EDARADD: variants seen among roughly 807,000 people sequenced by gnomAD.
The protein encoded by EDARADD is ectodysplasin-A receptor-associated adapter protein.
A neutral mutation model predicts 25.6 loss-of-function variants in EDARADD; 20 were observed. The ratio of observed to expected loss-of-function variants is 0.78; its 90% CI spans 0.55 to 1.14. The LOEUF (loss-of-function observed/expected upper bound fraction) is 1.14. EDARADD is among the 50% of genes most tolerant of loss of function. EDARADD has a pLI of 0.00. For synonymous variants in EDARADD, 86 were observed against 94.4 expected, an observed-to-expected ratio of 0.91 and a Z score of 0.52; for missense variants, 225 against 270.1, an observed-to-expected ratio of 0.83 and a Z score of 1.17.
intron 4 of EDARADD, among the ~76,000 whole-genome samples, chr1:236,465,377 G>A (rs1428280053): frequency 3.3e-5 from 5 of 152,052 alleles, no homozygotes; most frequent in South Asian, 2.1e-4. Flanking sequence ...CCTTCTTTTC[G>A]TTTTGTTTGT....
chr1:236,419,828 A>G (rs922115498), intron 3 of EDARADD, among the ~76,000 whole-genome samples: 1 of 152,210 alleles, frequency 6.6e-6, no homozygotes, highest in African/African-American at 2.4e-5. Flanking sequence ...GTGTGAGACA[A>G]TGAATATACA....
chr1:236,371,505 T>C lies in EDARADD; in HGVS notation c.-6+20666T>C, dbSNP rs190042246. 6.6e-5 allele frequency among the ~76,000 whole-genome samples: 10 copies of C among 152,286 alleles called. No homozygotes were observed. The East Asian group carries it at 1.7e-3, about 26-fold the overall frequency. The stretch of plus-strand genomic sequence containing the variant: ...AGAGAAGACATCCTTGACTTGTTAT[T>C]GATCGTATCAGAAAACTTCTAGTTT... On this transcript the variant is annotated intron_variant, in intron 3 of 7. Coordinates refer to the EDARADD transcript ENST00000439430.
chr1:236,396,830 C>T (rs1216860088), intron 1 of EDARADD, among the ~76,000 whole-genome samples: 1 of 151,782 alleles, frequency 6.6e-6, no homozygotes, highest in African/African-American at 2.4e-5. Flanking sequence ...AGGGAGAAAC[C>T]CTCCTACTGC....
intron 1 of EDARADD, among the ~76,000 whole-genome samples, chr1:236,407,241 T>C (rs1424870006): frequency 6.6e-6 from 1 of 152,190 alleles, no homozygotes; most frequent in Non-Finnish European, 1.5e-5. Context: ...GTCTCTTTGC[T>C]GGTGCTGGGC....
chr1:236,379,559 A>G (rs1466088912), intron 3 of EDARADD, among the ~76,000 whole-genome samples: 9 of 151,944 alleles, frequency 5.9e-5, no homozygotes, highest in Non-Finnish European at 4.4e-5. Context: ...CGGGCAGATC[A>G]CCTCAGGTCA....
In EDARADD at chr1:236,468,253, A is replaced by T. The variant is rs763211638; in HGVS notation, c.242A>T (p.Asp81Val). ...TAGGGAGAAGAAAATGGCTTTCCAG[A>T]TAGCACTGGAGATCCTCTTCCAGGT... ...KNQGEENGFP[D>V]STGDPLPEIS... Residue 81 changes from aspartate to valine, a missense_variant, in exon 5 of 6, where the codon GAT becomes GTT. Physicochemically the swap from Asp to Val is radical, Grantham distance 152 (BLOSUM62 -3). Coordinates refer to ENST00000334232, the MANE Select transcript of EDARADD (RefSeq NM_145861.4). The T allele has an allele frequency of 4.9e-5, 79 of 1,614,030 alleles. No homozygotes were observed. Among genetic ancestry groups the T allele is most frequent in the Non-Finnish European group, 6.6e-5 (78 of 1,180,002 alleles).
chr1:236,381,427 G>A (rs1016245828), intron 3 of EDARADD, among the ~76,000 whole-genome samples: 1 of 151,718 alleles, frequency 6.6e-6, no homozygotes, highest in African/African-American at 2.4e-5. Flanking sequence ...TGCTATTTTA[G>A]TGTTTACTTT....
At chr1:236,351,147 A>G (rs531717786) in intron 3 of EDARADD, among the ~76,000 whole-genome samples, 1 of 152,222 alleles carries the variant, frequency 6.6e-6, no homozygotes, top group South Asian at 2.1e-4. Context: ...TAAACAAAAC[A>G]AAATTTTAAA....
intron 4 of EDARADD, among the ~76,000 whole-genome samples, chr1:236,465,406 C>A (rs557611063): frequency 1.3e-5 from 2 of 152,208 alleles, no homozygotes; most frequent in African/African-American, 4.8e-5. Flanking sequence ...ACTTCCAGCC[C>A]GATTTCTGAA....
intron 2 of EDARADD, among the ~76,000 whole-genome samples, chr1:236,413,008 C>T (rs1657538184): frequency 6.6e-6 from 1 of 152,196 alleles, no homozygotes; most frequent in Non-Finnish European, 1.5e-5. Flanking sequence ...GGATTACAGG[C>T]ACGGGCCACC....
chr1:236,369,521 T>G (rs1188534655), intron 3 of EDARADD, among the ~76,000 whole-genome samples: 3 of 152,202 alleles, frequency 2.0e-5, no homozygotes, highest in Non-Finnish European at 4.4e-5. Flanking sequence ...GTTTTTTGTA[T>G]AAGAGCCGGT....
rs1274527347 is a variant in EDARADD at position 236,395,040 on chromosome 1, C to T, written c.61+535C>T. Among the ~76,000 whole-genome samples the T allele has an allele frequency of 6.6e-6, 1 of 152,204 alleles. No homozygotes were observed. Among genetic ancestry groups the T allele is most frequent in the African/African-American group, 2.4e-5 (1 of 41,454 alleles). ...CGTGTGCCATCATGCAGCGGCAGAG[C>T]CTGCTTAAAGATCAGGAAATTTGTC... On this transcript the variant is annotated intron_variant, in intron 1 of 5. Coordinates refer to ENST00000334232, the MANE Select transcript of EDARADD (RefSeq NM_145861.4). This position sits in a 1 kb window ranked among gnomAD's most constrained non-coding sequence, Gnocchi z 6.9.
chr1:236,365,837 T>C (rs1667107782), intron 3 of EDARADD, among the ~76,000 whole-genome samples: 1 of 152,168 alleles, frequency 6.6e-6, no homozygotes, highest in Non-Finnish European at 1.5e-5. Flanking sequence ...TGTCATTTGG[T>C]TTAGTGTCCA....
upstream of EDARADD, among the ~76,000 whole-genome samples, chr1:236,393,397 T>C (rs1330039425): frequency 8.0e-6 from 1 of 124,464 alleles, no homozygotes; most frequent in Non-Finnish European, 1.7e-5. Context: ...CTTTCTTTTT[T>C]TTTTTTTTTT....
chr1:236,400,091 A>G (rs781241813), intron 1 of EDARADD, among the ~76,000 whole-genome samples: 9 of 152,206 alleles, frequency 5.9e-5, no homozygotes, highest in Non-Finnish European at 1.2e-4. Flanking sequence ...AGGGATGGCA[A>G]TCTGTGGTTT....
chr1:236,395,599 T>C lies in EDARADD; in HGVS notation c.61+1094T>C, dbSNP rs756335609. 6.4e-5 allele frequency: 100 copies of C among 1,553,446 alleles called. 1 individual carries two copies. The highest frequency in any genetic ancestry group is 4.1e-5 in the Non-Finnish European group (47 of 1,151,396). On this transcript the variant is annotated intron_variant, in intron 1 of 5. Coordinates refer to ENST00000334232, the MANE Select transcript of EDARADD (RefSeq NM_145861.4). This position sits in a 1 kb window ranked among gnomAD's most constrained non-coding sequence, Gnocchi z 6.9. ...CGCCCCGGAGGCCTGCCAGCCCCGC[T>C]CGGACGCTCGTTTGCCCCTAACCCG... is the stretch of plus-strand genomic sequence containing the variant.
intron 3 of EDARADD, among the ~76,000 whole-genome samples, chr1:236,372,251 C>T (rs946276785): frequency 2.0e-5 from 3 of 152,160 alleles, no homozygotes; most frequent in Non-Finnish European, 4.4e-5. Context: ...CCACCATGCC[C>T]AGCCCCATTT....
chr1:236,390,177 G>A (rs1270555631), upstream of EDARADD, among the ~76,000 whole-genome samples: 1 of 152,052 alleles, frequency 6.6e-6, no homozygotes, highest in Admixed American at 6.6e-5. Context: ...AGTGGGAGGG[G>A]GCAAGGGATA....
At position 236,395,348 on chromosome 1, in the gene EDARADD, G is replaced by GCACCCCGGCTCCCGC. The variant is rs1315134975; in HGVS notation, c.61+845_61+859dup. The GCACCCCGGCTCCCGC allele has an allele frequency of 2.3e-6, 3 of 1,326,670 alleles. No homozygotes were observed. Among genetic ancestry groups the GCACCCCGGCTCCCGC allele is most frequent in the Non-Finnish European group, 2.9e-6 (3 of 1,036,866 alleles). The allele number at this position is 1,326,670 out of a possible 1,614,324, so 82.2% of individuals were successfully genotyped here. ...CCTTGCGTCCCAGCCCCGGGTCGCG[G>GCACCCCGGCTCCCGC]CACCCCGGCTCCCGCCCCGCGCCTC... is the stretch of plus-strand genomic sequence containing the variant. On this transcript the variant is annotated intron_variant, in intron 1 of 5. Transcript: ENST00000334232. This position sits in a 1 kb window ranked among gnomAD's most constrained non-coding sequence, Gnocchi z 6.9.
Sources: gnomAD v4.1 joint callset for allele counts (sites outside exome capture counted in the v4.1 genomes callset) on GRCh38, gnomAD v4.1.1 for gene constraint, Gnocchi (gnomAD v3.1) non-coding constraint, MANE v1.5 for transcripts, NCBI Gene and HGNC (gene_info 2026-07-23, HGNC 2026-07-21) for gene names.